Variants in CIRSR observed in about 807,000 individuals in gnomAD.
The protein encoded by CIRSR is CBF1 (RBPJ) interacting corepressor 1.
At chr2:174,371,147 C>A in the CIRSR span, among the ~76,000 whole-genome samples, 1 of 152,164 alleles carries the variant, frequency 6.6e-6, no homozygotes, top group African/African-American at 2.4e-5. Context: ...AGGGTGAGGG[C>A]TAACAGGTAT....
At chr2:174,389,945 G>A in the CIRSR span, among the ~76,000 whole-genome samples, 2 of 152,222 alleles carry the variant, frequency 1.3e-5, no homozygotes, top group Non-Finnish European at 2.9e-5. Flanking sequence ...GAAGATGTAT[G>A]GAAACACCTG....
the CIRSR span, among the ~76,000 whole-genome samples, chr2:174,383,580 C>A: frequency 2.0e-5 from 3 of 151,494 alleles, no homozygotes; most frequent in Non-Finnish European, 4.4e-5. Flanking sequence ...ATTAGCCGGG[C>A]GTGGTGGCAG....
the CIRSR span, chr2:174,351,693 C>T: frequency 6.2e-7 from 1 of 1,613,538 alleles, no homozygotes; most frequent in South Asian, 1.1e-5. Context: ...TTTCTCATCT[C>T]CGCTATTAGC....
chr2:174,354,359 ATTATATATGTACATATATTAC>A, the CIRSR span, among the ~76,000 whole-genome samples: 1 of 126,096 alleles, frequency 7.9e-6, no homozygotes, highest in African/African-American at 3.0e-5. Flanking sequence ...TATAAGATAT[ATTATATATGTACATATATTAC>A]TTATATATGT....
the CIRSR span, among the ~76,000 whole-genome samples, chr2:174,390,003 C>A: frequency 6.6e-6 from 1 of 152,230 alleles, no homozygotes; most frequent in Non-Finnish European, 1.5e-5. Context: ...TCTTGGAGAA[C>A]CTCTACTAGG....
the CIRSR span, among the ~76,000 whole-genome samples, chr2:174,377,937 G>A: frequency 6.6e-5 from 10 of 151,734 alleles, no homozygotes; most frequent in Non-Finnish European, 1.2e-4. Flanking sequence ...GAAAGAAGCA[G>A]GATCTCTAGC....
chr2:174,354,447 T>A, the CIRSR span, among the ~76,000 whole-genome samples: 2,932 of 19,394 alleles, frequency 0.15, 200 homozygotes, highest in African/African-American at 0.23. Context: ...TATAATATAT[T>A]ATATAATATA....
chr2:174,367,884 G>A, the CIRSR span, among the ~76,000 whole-genome samples: 428 of 148,678 alleles, frequency 2.9e-3, no homozygotes, highest in Admixed American at 6.2e-3. Flanking sequence ...GACAGAAAAA[G>A]ATATACCATG....
chr2:174,366,904 G>C, the CIRSR span, among the ~76,000 whole-genome samples: 1 of 152,024 alleles, frequency 6.6e-6, no homozygotes, highest in African/African-American at 2.4e-5. Flanking sequence ...TACAACTGTG[G>C]CATACATACA....
the CIRSR span, among the ~76,000 whole-genome samples, chr2:174,388,045 A>G: frequency 1.3e-5 from 2 of 152,220 alleles, no homozygotes; most frequent in Non-Finnish European, 2.9e-5. Context: ...AAAGTTTACA[A>G]ATTTGTGTTG....
At chr2:174,394,673 A>T in the CIRSR span, among the ~76,000 whole-genome samples, 1 of 152,228 alleles carries the variant, frequency 6.6e-6, no homozygotes, top group Admixed American at 6.5e-5. Context: ...GTGAAAAAAA[A>T]GTTGAGAATC....
the CIRSR span, among the ~76,000 whole-genome samples, chr2:174,353,060 T>A: frequency 6.6e-5 from 10 of 152,332 alleles, no homozygotes; most frequent in East Asian, 1.3e-3. Flanking sequence ...AACTCAGTTA[T>A]AAGATAATAT....
chr2:174,381,670 A>T, the CIRSR span: 1 of 1,526,230 alleles, frequency 6.6e-7, no homozygotes, highest in Non-Finnish European at 8.9e-7. Flanking sequence ...AAAAAAAAAA[A>T]GAAAGAAAAA....
At chr2:174,361,576 T>C in the CIRSR span, among the ~76,000 whole-genome samples, 1 of 152,200 alleles carries the variant, frequency 6.6e-6, no homozygotes, top group African/African-American at 2.4e-5. Flanking sequence ...TTGCAAAAAA[T>C]GTCTATCAGT....
chr2:174,370,359 T>G, the CIRSR span, among the ~76,000 whole-genome samples: 2 of 152,204 alleles, frequency 1.3e-5, no homozygotes, highest in East Asian at 1.9e-4. Flanking sequence ...CCAGAGTGAC[T>G]GTTTAGTGTT....
At chr2:174,352,487 G>C in the CIRSR span, among the ~76,000 whole-genome samples, 2 of 152,248 alleles carry the variant, frequency 1.3e-5, no homozygotes, top group East Asian at 3.9e-4. Context: ...GGTGACTCAT[G>C]CGTGTAATCC....
At chr2:174,387,120 G>T in the CIRSR span, 6 of 152,136 alleles carry the variant, frequency 3.9e-5, no homozygotes, top group African/African-American at 7.2e-5. Context: ...TCCATATTTT[G>T]ATTGAAAACT....
At chr2:174,357,178 T>C in the CIRSR span, among the ~76,000 whole-genome samples, 4 of 152,178 alleles carry the variant, frequency 2.6e-5, no homozygotes, top group African/African-American at 9.7e-5. Flanking sequence ...GTTAAAGAAA[T>C]TGGGTAATTT....
chr2:174,348,522 T>C, the CIRSR span: 9 of 1,612,664 alleles, frequency 5.6e-6, no homozygotes, highest in Non-Finnish European at 7.6e-6. Flanking sequence ...CACTTTAGTA[T>C]GTGTACCTCC....
Sources: allele counts gnomAD v4.1 joint callset (sites outside exome capture counted in the v4.1 genomes callset), GRCh38; gene constraint gnomAD v4.1.1; transcripts MANE v1.5; gene names NCBI Gene and HGNC (gene_info 2026-07-23, HGNC 2026-07-21).